Variants in RNF144B observed in about 807,000 individuals in gnomAD.
RNF144B encodes E3 ubiquitin-protein ligase RNF144B.
In RNF144B, 25 loss-of-function variants were observed where a neutral mutation model predicts 40.2. The ratio of observed to expected loss-of-function variants is 0.62; its 90% CI spans 0.45 to 0.87. The LOEUF (loss-of-function observed/expected upper bound fraction) is 0.87, where lower values mean the gene tolerates loss of function less well. Among genes scored for constraint, RNF144B ranks in the 40% least tolerant of loss-of-function variants. RNF144B has a pLI of 0.00. For missense variants in RNF144B, 365 were observed against 373.7 expected (o/e 0.98, Z 0.19); for synonymous variants, 145 against 136.3 (o/e 1.06, Z -0.44).
chr6:18,423,357 T>C (rs552460281), intron 2 of RNF144B, among the ~76,000 whole-genome samples: 1 of 152,226 alleles, frequency 6.6e-6, no homozygotes, highest in East Asian at 1.9e-4. Context: ...TTATTTTTTC[T>C]TAGAAAAAAA....
Position 18,457,463 on chromosome 6 carries a change from G to A in RNF144B, c.536+104G>A, listed in dbSNP as rs533744460. Reference sequence around the variant, plus strand: ...TACGTTGTGATGGCGTTTAGAGATTGGTTATTTTCCTGCAGAACTTCCCTG... The same window carrying A: ...TACGTTGTGATGGCGTTTAGAGATTAGTTATTTTCCTGCAGAACTTCCCTG... On this transcript the variant is annotated intron_variant, in intron 5 of 7. Coordinates refer to ENST00000259939, the MANE Select transcript of RNF144B (RefSeq NM_182757.4). This position sits in a 1 kb window ranked among gnomAD's most constrained non-coding sequence, Gnocchi z 5.1. 12 of 896,162 alleles carry A rather than the reference G, an allele frequency of 1.3e-5. No homozygotes were observed. The African/African-American group carries it at 2.0e-4, about 15-fold the overall frequency. The allele number at this position is 896,162 out of a possible 1,614,324, so 55.5% of individuals were successfully genotyped here. A position where few individuals can be genotyped will look rare whatever the true frequency, so the allele number is the denominator to read the frequency against.
intron 6 of RNF144B, among the ~76,000 whole-genome samples, chr6:18,462,143 C>A (rs1759469580): frequency 6.6e-6 from 1 of 152,130 alleles, no homozygotes; most frequent in African/African-American, 2.4e-5. Flanking sequence ...CTTACTACCC[C>A]TCTATTTATC....
chr6:18,458,467 G>A lies in RNF144B; in HGVS notation c.536+1108G>A, dbSNP rs562343722. On this transcript the variant is annotated intron_variant, in intron 5 of 7. Transcript: ENST00000259939. The surrounding 1 kb of genome is among the most constrained non-coding windows in gnomAD (Gnocchi z 4.8). ...TGCTTGAATCTCAGAACAAACAAAT[G>A]GAGAGGAATAGAGAAGCTAATACAC... Among the ~76,000 whole-genome samples the A allele has an allele frequency of 5.9e-5, 9 of 152,280 alleles. No individual in the cohort carries two copies. In the East Asian group the frequency reaches 1.7e-3, roughly 29 times the overall value.
chr6:18,396,466 A>G (rs1377073067), intron 1 of RNF144B: 29 of 983,548 alleles, frequency 2.9e-5, no homozygotes, highest in Non-Finnish European at 3.4e-5. Context: ...CTCGAAGAGT[A>G]CCTAGATCTC....
rs1047227256 is a variant in RNF144B at position 18,434,095 on chromosome 6, A to G, written c.271-5589A>G. Among the ~76,000 whole-genome samples, 11 of 152,206 alleles carry G rather than the reference A, an allele frequency of 7.2e-5. No individual in the cohort carries two copies. Among genetic ancestry groups the G allele is most frequent in the Admixed American group, 3.3e-4 (5 of 15,276 alleles). The stretch of plus-strand genomic sequence containing the variant: ...TAATTTTTAAAGCAACTGTAGCAGA[A>G]GCATGATTTGAAGGACCAAACCTAA... On this transcript the variant is annotated intron_variant, in intron 3 of 7. Coordinates refer to ENST00000259939, the MANE Select transcript of RNF144B (RefSeq NM_182757.4). The surrounding 1 kb of genome is among the most constrained non-coding windows in gnomAD (Gnocchi z 4.1).
Position 18,456,083 on chromosome 6 carries a change from C to T in RNF144B, c.332-1072C>T, listed in dbSNP as rs9465144. Among the ~76,000 whole-genome samples, 64 of 152,174 alleles carry T rather than the reference C, an allele frequency of 4.2e-4. No individual in the cohort carries two copies. Among genetic ancestry groups the T allele is most frequent in the African/African-American group, 1.2e-3 (48 of 41,528 alleles). On this transcript the variant is annotated intron_variant, in intron 4 of 7. Transcript: ENST00000259939. This position sits in a 1 kb window ranked among gnomAD's most constrained non-coding sequence, Gnocchi z 4.7. The stretch of plus-strand genomic sequence containing the variant: ...GACTACAGGCACCCGCCACCATGCC[C>T]GGCTAATTTTTTGTATTTTTAGTAG...
At position 18,457,097 on chromosome 6, in the gene RNF144B, G is replaced by A; in HGVS notation, c.332-58G>A. On this transcript the variant is annotated intron_variant, in intron 4 of 7. Transcript: ENST00000259939. This position sits in a 1 kb window ranked among gnomAD's most constrained non-coding sequence, Gnocchi z 5.1. ...AATAAATAAGAGGGCAAATGAAGGT[G>A]AGAAAGACTCAAACATGAATCGGGC... 1 of 1,294,704 alleles carries A rather than the reference G, an allele frequency of 7.7e-7. No homozygotes were observed. The allele number at this position is 1,294,704 out of a possible 1,614,324, so 80.2% of individuals were successfully genotyped here.
rs2113524284 is a variant in RNF144B at position 18,447,451 on chromosome 6, T to C, written c.331+7707T>C. On this transcript the variant is annotated intron_variant, in intron 4 of 7. Transcript: ENST00000259939. This position sits in a 1 kb window ranked among gnomAD's most constrained non-coding sequence, Gnocchi z 5.6. ...TTATGAAGATGAAGTCTTAGTGGGATGAGAAGCCATTGGAGGGTTTGGATC... is the reference window on the plus strand; with the variant it reads ...TTATGAAGATGAAGTCTTAGTGGGACGAGAAGCCATTGGAGGGTTTGGATC... Among the ~76,000 whole-genome samples, 1 of 152,266 alleles carries C rather than the reference T, an allele frequency of 6.6e-6. No individual in the cohort carries two copies. Among genetic ancestry groups the C allele is most frequent in the East Asian group, 1.9e-4 (1 of 5,178 alleles).
chr6:18,389,500 G>A (rs1214914067), intron 1 of RNF144B, among the ~76,000 whole-genome samples: 1 of 152,138 alleles, frequency 6.6e-6, no homozygotes, highest in Admixed American at 6.5e-5. Flanking sequence ...TATTTTAGAC[G>A]TTTAGAAACA....
Position 18,456,366 on chromosome 6 carries a change from T to C in RNF144B, c.332-789T>C, listed in dbSNP as rs1259217756. 6.6e-6 allele frequency among the ~76,000 whole-genome samples: 1 copy of C among 152,258 alleles called. No homozygotes were observed. The highest frequency in any genetic ancestry group is 1.5e-5 in the Non-Finnish European group (1 of 68,044). ...ACTATTTGATTATTTTCTTCCTTGT[T>C]CTTTAATTTCCTGGGAATGTGGAAG... On this transcript the variant is annotated intron_variant, in intron 4 of 7. Coordinates refer to ENST00000259939, the MANE Select transcript of RNF144B (RefSeq NM_182757.4). The surrounding 1 kb of genome is among the most constrained non-coding windows in gnomAD (Gnocchi z 4.7).
rs1217681790 is a variant in RNF144B, at chr6:18,398,343, TATAGACCAC to T, written c.-36-1153_-36-1145del. Among the ~76,000 whole-genome samples the T allele has an allele frequency of 6.6e-6, 1 of 152,136 alleles. No homozygotes were observed. The highest frequency in any genetic ancestry group is 2.4e-5 in the African/African-American group (1 of 41,440). On this transcript the variant is annotated intron_variant, in intron 1 of 7. Coordinates refer to ENST00000259939, the MANE Select transcript of RNF144B (RefSeq NM_182757.4). The surrounding 1 kb of genome is among the most constrained non-coding windows in gnomAD (Gnocchi z 5.0). ...TTATTTCTTTTTATTCCACTGTATA[TATAGACCAC>T]ATTTTGTTTGTTCTTCTGTCTTTTT... is the stretch of plus-strand genomic sequence containing the variant.
In RNF144B at chr6:18,456,144, G is replaced by T. The variant is rs1246182794; in HGVS notation, c.332-1011G>T. Among the ~76,000 whole-genome samples the T allele has an allele frequency of 6.6e-6, 1 of 152,158 alleles. No individual in the cohort carries two copies. The highest frequency in any genetic ancestry group is 1.5e-5 in the Non-Finnish European group (1 of 68,024). On this transcript the variant is annotated intron_variant, in intron 4 of 7. Transcript: ENST00000259939. The surrounding 1 kb of genome is among the most constrained non-coding windows in gnomAD (Gnocchi z 4.7). ...TCACCCTGTTAGCCAGGATGGTCTTGATCTCCTAACCTTGTGATCCGCCTA... is the reference window on the plus strand; with the variant it reads ...TCACCCTGTTAGCCAGGATGGTCTTTATCTCCTAACCTTGTGATCCGCCTA...
Position 18,465,892 on chromosome 6 carries a change from C to T in RNF144B, c.*825C>T, listed in dbSNP as rs1359236526. 6.6e-6 allele frequency: 1 copy of T among 152,208 alleles called. No homozygotes were observed. The highest frequency in any genetic ancestry group is 1.5e-5 in the Non-Finnish European group (1 of 68,036). The allele number at this position is 152,208 out of a possible 1,614,324, so 9.4% of individuals were successfully genotyped here. ...TAGAGTGGTAGAGTTTCAAAACTTT[C>T]GTCATAGATATCTGGGACCTTTCTC... On this transcript the variant is annotated 3_prime_UTR_variant, in exon 8 of 8. Transcript: ENST00000259939.
At position 18,457,342 on chromosome 6, in the gene RNF144B, C is replaced by T; in HGVS notation, c.519C>T (p.Val173=). ...EVSCRDSQPI[V]LPTEHRALFG... ...CCTGTAGAGACAGTCAGCCTATTGT[C>T]CTGCCAACAGAGCACCGGTAAGAAA... is the stretch of plus-strand genomic sequence containing the variant. The change falls in exon 5 of 8, where the codon GTC becomes GTT. Residue 173 remains valine (V), a synonymous_variant. Coordinates refer to ENST00000259939, the MANE Select transcript of RNF144B (RefSeq NM_182757.4). This position sits in a 1 kb window ranked among gnomAD's most constrained non-coding sequence, Gnocchi z 5.1. 1 of 1,613,668 alleles carries T rather than the reference C, an allele frequency of 6.2e-7. No individual in the cohort carries two copies. The highest frequency in any genetic ancestry group is 8.5e-7 in the Non-Finnish European group (1 of 1,179,580).
Position 18,409,073 on chromosome 6 carries a change from G to A in RNF144B, c.165+9374G>A, listed in dbSNP as rs151120657. Reference sequence around the variant, plus strand: ...AGTGTGTTATATTCCTGCTTTATTAGTATATTTACACAATTCTATAGAAAC... The same window carrying A: ...AGTGTGTTATATTCCTGCTTTATTAATATATTTACACAATTCTATAGAAAC... On this transcript the variant is annotated intron_variant, in intron 2 of 7. Transcript: ENST00000259939. Among the ~76,000 whole-genome samples the A allele has an allele frequency of 2.6e-5, 4 of 151,060 alleles. No homozygotes were observed. The East Asian group carries it at 7.8e-4, about 30-fold the overall frequency.
chr6:18,461,786 G>A (rs919134298), intron 6 of RNF144B, among the ~76,000 whole-genome samples: 5 of 152,156 alleles, frequency 3.3e-5, no homozygotes, highest in African/African-American at 9.7e-5. Context: ...AGATGGTGGT[G>A]TGGATCTCTG....
At chr6:18,438,497 C>T (rs12526853) in intron 3 of RNF144B, among the ~76,000 whole-genome samples, 18,988 of 152,084 alleles carry the variant, frequency 0.12, 1,362 homozygotes, top group Admixed American at 0.19. Context: ...CCACACTTTA[C>T]TTGGAATGAG....
intron 4 of RNF144B, among the ~76,000 whole-genome samples, chr6:18,453,424 T>C (rs1369979304): frequency 1.3e-5 from 2 of 152,086 alleles, no homozygotes; most frequent in East Asian, 3.9e-4. Flanking sequence ...AGGCATGAGC[T>C]ACTGCACCCA....
At chr6:18,394,264 T>TGATTTTG (rs1478344437) in intron 1 of RNF144B, among the ~76,000 whole-genome samples, 1 of 152,194 alleles carries the variant, frequency 6.6e-6, no homozygotes, top group African/African-American at 2.4e-5. Context: ...ATAACTGTGT[T>TGATTTTG]GATTTTGGAT....
Sources: gnomAD v4.1 joint callset for allele counts (sites outside exome capture counted in the v4.1 genomes callset) on GRCh38, gnomAD v4.1.1 for gene constraint, Gnocchi (gnomAD v3.1) non-coding constraint, MANE v1.5 for transcripts, NCBI Gene and HGNC (gene_info 2026-07-23, HGNC 2026-07-21) for gene names.